NRXN3: variants seen among roughly 807,000 people sequenced by gnomAD.
NRXN3 encodes the protein neurexin III.
A neutral mutation model predicts 137.6 loss-of-function variants in NRXN3; 32 were observed. The ratio of observed to expected loss-of-function variants is 0.23; its 90% CI spans 0.18 to 0.31. The LOEUF is 0.31. Ranked by LOEUF, NRXN3 falls within the 10% of genes least tolerant of loss-of-function variation. The pLI is 1.00. For missense variants in NRXN3, 1,574 were observed against 2,062.5 expected, an observed-to-expected ratio of 0.76 and a Z score of 4.59; for synonymous variants, 798 against 784.5, an observed-to-expected ratio of 1.02 and a Z score of -0.29.
chr14:78,258,903 T>C (rs2070161543), intron 2 of NRXN3, among the ~76,000 whole-genome samples: 1 of 151,874 alleles, frequency 6.6e-6, no homozygotes, highest in Non-Finnish European at 1.5e-5. Flanking sequence ...GAGGCTGAGG[T>C]GGGCAAATCA....
At chr14:78,303,855 A>G (rs1417443875) in intron 4 of NRXN3, among the ~76,000 whole-genome samples, 1 of 152,088 alleles carries the variant, frequency 6.6e-6, no homozygotes, top group Non-Finnish European at 1.5e-5. Context: ...TTACTCATGT[A>G]TTTCAATCCA....
At chr14:79,140,625 T>A (rs1270991425) in intron 15 of NRXN3, among the ~76,000 whole-genome samples, 2 of 149,706 alleles carry the variant, frequency 1.3e-5, no homozygotes, top group Non-Finnish European at 3.0e-5. Flanking sequence ...TTAAATGATC[T>A]TTAATAGTGG....
chr14:79,295,623 T>A (rs2083951952), intron 15 of NRXN3, among the ~76,000 whole-genome samples: 1 of 152,132 alleles, frequency 6.6e-6, no homozygotes, highest in Admixed American at 6.5e-5. Context: ...TTTTCATAAA[T>A]CTTGCTGAGT....
intron 19 of NRXN3, among the ~76,000 whole-genome samples, chr14:79,701,084 A>G (rs566075527): frequency 1.3e-5 from 2 of 152,056 alleles, no homozygotes; most frequent in Non-Finnish European, 2.9e-5. Context: ...GCATAGCTTG[A>G]GGAAAGTGTT....
chr14:78,946,650 G>A (rs921139676), intron 10 of NRXN3, among the ~76,000 whole-genome samples: 1 of 152,128 alleles, frequency 6.6e-6, no homozygotes, highest in Non-Finnish European at 1.5e-5. Flanking sequence ...GATGCCCCAT[G>A]TTAATGAGGA....
chr14:79,694,580 T>C (rs374307269), intron 18 of NRXN3, among the ~76,000 whole-genome samples: 159 of 152,128 alleles, frequency 1.0e-3, no homozygotes, highest in South Asian at 0.01. Context: ...AATCTGATCA[T>C]AAGCCATGAG....
chr14:79,189,214 A>T (rs2063919494), intron 15 of NRXN3, among the ~76,000 whole-genome samples: 1 of 152,112 alleles, frequency 6.6e-6, no homozygotes, highest in African/African-American at 2.4e-5. Context: ...GCCATAAAAA[A>T]TGATGAGTTC....
chr14:78,661,832 A>G (rs1191108718), intron 6 of NRXN3, among the ~76,000 whole-genome samples: 3 of 152,190 alleles, frequency 2.0e-5, no homozygotes, highest in East Asian at 3.8e-4. Flanking sequence ...TCATGCATGT[A>G]AAATAGCTGA....
At chr14:78,885,203 A>C (rs2152675816) in intron 10 of NRXN3, among the ~76,000 whole-genome samples, 1 of 148,998 alleles carries the variant, frequency 6.7e-6, no homozygotes, top group African/African-American at 2.4e-5. Flanking sequence ...TATGTATGTA[A>C]AATATATAAA....
chr14:78,912,738 T>C (rs1455103432), intron 10 of NRXN3, among the ~76,000 whole-genome samples: 2 of 152,188 alleles, frequency 1.3e-5, no homozygotes, highest in East Asian at 3.8e-4. Flanking sequence ...TAAGATTATC[T>C]GGAAAGTGCT....
chr14:78,859,995 A>G (rs1368330544), intron 10 of NRXN3, among the ~76,000 whole-genome samples: 1 of 152,170 alleles, frequency 6.6e-6, no homozygotes, highest in Non-Finnish European at 1.5e-5. Flanking sequence ...TCTAAAACTC[A>G]AAAGTTTTGG....
chr14:78,919,355 G>A (rs998682273), intron 10 of NRXN3, among the ~76,000 whole-genome samples: 3 of 152,110 alleles, frequency 2.0e-5, no homozygotes, highest in African/African-American at 7.2e-5. Flanking sequence ...TATATTGATC[G>A]TGTGTCAATT....
Position 79,566,029 on chromosome 14 carries a change from C to T in NRXN3, c.3445-97749C>T, listed in dbSNP as rs905671182. Among the ~76,000 whole-genome samples the T allele has an allele frequency of 1.2e-4, 19 of 152,076 alleles. 1 individual carries two copies. Among genetic ancestry groups the T allele is most frequent in the Non-Finnish European group, 1.8e-4 (12 of 68,004 alleles). On this transcript the variant is annotated intron_variant, in intron 16 of 20. Transcript: ENST00000335750. ...CCCCCACTTCAGCTTCAAGTTTATTCTAATCTTTTTCTGGGGGGCAGGAGA... is the reference window on the plus strand; with the variant it reads ...CCCCCACTTCAGCTTCAAGTTTATTTTAATCTTTTTCTGGGGGGCAGGAGA...
chr14:78,792,251 T>A (rs1306446522), intron 8 of NRXN3, among the ~76,000 whole-genome samples: 19 of 9,232 alleles, frequency 2.1e-3, no homozygotes, highest in South Asian at 4.9e-3. Flanking sequence ...GATTGTAGAC[T>A]AAAGGCAAAA....
At position 78,440,145 on chromosome 14, in the gene NRXN3, C is replaced by T. The variant is rs144716304; in HGVS notation, c.757+142285C>T. On this transcript the variant is annotated intron_variant, in intron 4 of 20. Coordinates refer to ENST00000335750, the MANE Select transcript of NRXN3 (RefSeq NM_001330195.2). ...ATAAATCTCTTGGCTGCACCACCGG[C>T]CAGTACGTGAGTTGTGTGTCTTCCT... is the stretch of plus-strand genomic sequence containing the variant. Among the ~76,000 whole-genome samples, 20 of 152,330 alleles carry T rather than the reference C, an allele frequency of 1.3e-4. 1 individual carries two copies. In the East Asian group the frequency reaches 2.7e-3, roughly 21 times the overall value.
At chr14:79,327,229 G>C (rs1478317399) in intron 15 of NRXN3, among the ~76,000 whole-genome samples, 1 of 152,138 alleles carries the variant, frequency 6.6e-6, no homozygotes, top group African/African-American at 2.4e-5. Flanking sequence ...AGCTCCCCCA[G>C]AAATGCCGTA....
chr14:79,232,702 A>G (rs962824967), intron 15 of NRXN3, among the ~76,000 whole-genome samples: 1 of 152,152 alleles, frequency 6.6e-6, no homozygotes, highest in Non-Finnish European at 1.5e-5. Context: ...TGAAGTATAG[A>G]TGAAGGTAAT....
intron 4 of NRXN3, among the ~76,000 whole-genome samples, chr14:78,341,468 T>G (rs1054719549): frequency 1.3e-5 from 2 of 152,196 alleles, no homozygotes; most frequent in Non-Finnish European, 2.9e-5. Context: ...TTGCAACTAC[T>G]CAGCTGGTGT....
intron 10 of NRXN3, among the ~76,000 whole-genome samples, chr14:78,899,113 G>T (rs958892438): frequency 3.3e-5 from 5 of 151,918 alleles, no homozygotes; most frequent in African/African-American, 1.2e-4. Flanking sequence ...TAGATAGAAT[G>T]AAGCAGAATT....
Sources: allele counts gnomAD v4.1 joint callset (sites outside exome capture counted in the v4.1 genomes callset), GRCh38; gene constraint gnomAD v4.1.1; transcripts MANE v1.5; gene names NCBI Gene and HGNC (gene_info 2026-07-23, HGNC 2026-07-21).